The following PUM1 variants were observed in gnomAD, a reference collection of about 807,000 sequenced individuals.
The protein encoded by PUM1 is pumilio homolog 1.
PUM1 carries 13 observed loss-of-function variants against 131.8 expected under a neutral mutation model. That is an observed-to-expected ratio of 0.10 (90% confidence interval 0.06 to 0.16). The LOEUF is 0.16. PUM1 is among the 10% of genes least tolerant of loss of function. The pLI is 1.00. For synonymous variants in PUM1, 509 were observed against 556.5 expected (o/e 0.91, Z 1.20); for missense variants, 961 against 1,512.4 (o/e 0.64, Z 6.05).
At chr1:30,938,848 G>A (rs1343677521) in intron 20 of PUM1, among the ~76,000 whole-genome samples, 1 of 152,136 alleles carries the variant, frequency 6.6e-6, no homozygotes, top group South Asian at 2.1e-4. Flanking sequence ...CTGGGCGACA[G>A]AGCGAGACTC....
At chr1:31,062,929 C>T (rs1644401280) in intron 1 of PUM1, among the ~76,000 whole-genome samples, 1 of 152,166 alleles carries the variant, frequency 6.6e-6, no homozygotes, top group African/African-American at 2.4e-5. Context: ...TTTGGAAATG[C>T]CTAGTCTAGG....
intron 2 of PUM1, among the ~76,000 whole-genome samples, chr1:31,035,475 G>A (rs1359909030): frequency 6.6e-6 from 1 of 152,144 alleles, no homozygotes; most frequent in African/African-American, 2.4e-5. Flanking sequence ...AAGTTGGTGG[G>A]GCGCAGTGGC....
intron 14 of PUM1, among the ~76,000 whole-genome samples, chr1:30,961,257 C>A (rs1457460494): frequency 6.6e-6 from 1 of 150,954 alleles, no homozygotes; most frequent in Non-Finnish European, 1.5e-5. Context: ...CATCTGTAAT[C>A]CTAGTGCTTT....
chr1:31,038,985 T>TATATATATATATATATATATA (rs879343889), intron 2 of PUM1, among the ~76,000 whole-genome samples: 9 of 32,976 alleles, frequency 2.7e-4, no homozygotes, highest in Admixed American at 4.0e-4. Flanking sequence ...TATATATATA[T>TATATATATATATATATATATA]TTTTTTTTTT....
In PUM1 at chr1:31,007,054, C is replaced by T. The variant is rs1642421242; in HGVS notation, c.481G>A (p.Asp161Asn). Residue 161 changes from aspartate to asparagine, a missense_variant, in exon 4 of 22, where the codon GAT becomes AAT. Asp to Asn is a conservative substitution (Grantham distance 23, BLOSUM62 1). Around this residue, in one of 4 missense-constraint regions of PUM1, gnomAD observed 654 missense variants for 923.9 expected, o/e 0.71. Coordinates refer to ENST00000426105, the MANE Select transcript of PUM1 (RefSeq NM_001020658.2). ...CCCAGGAATATTCCTTTTGGTCCAT[C>T]TTTGCTGGATTCATCTGTTTCCCAA... ...KFWETDESSK[D>N]GPKGIFLGDQ... 6.2e-7 allele frequency: 1 copy of T among 1,613,962 alleles called. No homozygotes were observed. Among genetic ancestry groups the T allele is most frequent in the Non-Finnish European group, 8.5e-7 (1 of 1,179,954 alleles).
rs565627643 is a variant in PUM1 at position 31,053,527 on chromosome 1, C to A, written c.363+5677G>T. Among the ~76,000 whole-genome samples the A allele has an allele frequency of 7.1e-4, 104 of 146,462 alleles. 2 individuals carry two copies. The South Asian group carries it at 0.022, about 31-fold the overall frequency. The stretch of plus-strand genomic sequence containing the variant: ...CAACTCTGTCACCCAAAATGGAGTG[C>A]AGTGGCACAATCTCGGCTCACTGCA... On this transcript the variant is annotated intron_variant, in intron 2 of 21. Coordinates refer to ENST00000426105, the MANE Select transcript of PUM1 (RefSeq NM_001020658.2).
intron 18 of PUM1, among the ~76,000 whole-genome samples, chr1:30,943,628 T>C (rs1279717281): frequency 1.3e-5 from 2 of 152,172 alleles, no homozygotes; most frequent in Non-Finnish European, 2.9e-5. Context: ...AAGAGAATAA[T>C]GGTGTTTAAA....
chr1:31,064,110 T>C (rs1369951255), intron 1 of PUM1, among the ~76,000 whole-genome samples: 2 of 152,222 alleles, frequency 1.3e-5, no homozygotes, highest in African/African-American at 2.4e-5. Flanking sequence ...ATATCACTAA[T>C]TGAGTTGAAT....
At position 31,028,669 on chromosome 1, in the gene PUM1, A is replaced by G. The variant is rs1643306951; in HGVS notation, c.432+127T>C. The G allele has an allele frequency of 3.6e-6, 3 of 843,320 alleles. No homozygotes were observed. The Admixed American group carries it at 5.7e-5, about 16-fold the overall frequency. 52.2% of individuals were successfully genotyped at this position (843,320 alleles called of 1,614,324 possible). ...AATTCTCCAGCATCCCGTTCCTATC[A>G]TGAGAATGGCAACAAGGAAAAGCAA... On this transcript the variant is annotated intron_variant, in intron 3 of 21. Transcript: ENST00000426105.
At chr1:31,048,918 T>C (rs952272582) in intron 2 of PUM1, among the ~76,000 whole-genome samples, 4 of 152,066 alleles carry the variant, frequency 2.6e-5, no homozygotes, top group Admixed American at 1.3e-4. Context: ...ATCAAAAACC[T>C]TTTGAGGCCG....
At chr1:30,983,349 A>G (rs1381298737) in intron 7 of PUM1, among the ~76,000 whole-genome samples, 1 of 152,190 alleles carries the variant, frequency 6.6e-6, no homozygotes, top group Non-Finnish European at 1.5e-5. Context: ...CTTGGCCTAA[A>G]ACCTTTTGCA....
chr1:30,969,316 C>CAAAAAAAAAAAAAAAAAAA (rs763999971), intron 10 of PUM1, among the ~76,000 whole-genome samples: 4 of 51,170 alleles, frequency 7.8e-5, no homozygotes, highest in Non-Finnish European at 1.6e-4. Context: ...AACACACACA[C>CAAAAAAAAAAAAAAAAAAA]AAAAAAAAAA....
At chr1:31,011,449 G>A (rs1642616880) in intron 3 of PUM1, among the ~76,000 whole-genome samples, 1 of 152,090 alleles carries the variant, frequency 6.6e-6, no homozygotes, top group African/African-American at 2.4e-5. Flanking sequence ...GACATGTTGA[G>A]CTTACTGAGA....
chr1:30,982,077 G>T lies in PUM1; in HGVS notation c.1159-672C>A, dbSNP rs1180746314. 2.0e-5 allele frequency: 3 copies of T among 152,260 alleles called. No homozygotes were observed. In the East Asian group the frequency reaches 5.8e-4, roughly 29 times the overall value. The allele number at this position is 152,260 out of a possible 1,614,324, so 9.4% of individuals were successfully genotyped here. On this transcript the variant is annotated intron_variant, in intron 7 of 21. Transcript: ENST00000426105. ...TTTCGGGAGCTCCAGAGTCTTCTGG[G>T]ATACTATTCTTTATATGTTAAAAAT... is the stretch of plus-strand genomic sequence containing the variant.
At chr1:30,946,355 T>A (rs77159739) in intron 17 of PUM1, among the ~76,000 whole-genome samples, 1 of 150,210 alleles carries the variant, frequency 6.7e-6, no homozygotes, top group Admixed American at 6.6e-5. Flanking sequence ...AAAAAAATCA[T>A]AGGCCAGGTG....
At chr1:30,961,537 G>A (rs1253754084) in intron 14 of PUM1, among the ~76,000 whole-genome samples, 2 of 151,640 alleles carry the variant, frequency 1.3e-5, no homozygotes, top group Non-Finnish European at 1.5e-5. Context: ...CAATAAAAAC[G>A]GGGGGGAATA....
intron 7 of PUM1, among the ~76,000 whole-genome samples, chr1:30,990,095 C>G (rs1641729717): frequency 6.6e-6 from 1 of 152,210 alleles, no homozygotes; most frequent in Non-Finnish European, 1.5e-5. Flanking sequence ...CGGTAGTTCT[C>G]AAAGAGTAGC....
At chr1:31,048,571 T>C (rs2124583961) in intron 2 of PUM1, among the ~76,000 whole-genome samples, 1 of 151,648 alleles carries the variant, frequency 6.6e-6, no homozygotes, top group Admixed American at 6.6e-5. Context: ...GCCTCCCAAG[T>C]TCAAGCAATT....
In PUM1 at chr1:30,932,517, C is replaced by T. The variant is rs935587719; in HGVS notation, c.*694G>A. 3 of 151,678 alleles carry T rather than the reference C, an allele frequency of 2.0e-5. No individual in the cohort carries two copies. Among genetic ancestry groups the T allele is most frequent in the Non-Finnish European group, 4.4e-5 (3 of 67,940 alleles). 9.4% of individuals were successfully genotyped at this position (151,678 alleles called of 1,614,324 possible). A position where few individuals can be genotyped will look rare whatever the true frequency, so the allele number is the denominator to read the frequency against. ...AGCCTCAAAAGACGTTCTGGGTGCT[C>T]GCATCTCCTCCTCACGAACAGCCTT... On this transcript the variant is annotated 3_prime_UTR_variant, in exon 22 of 22. Coordinates refer to ENST00000426105, the MANE Select transcript of PUM1 (RefSeq NM_001020658.2).
Sources: allele counts gnomAD v4.1 joint callset (sites outside exome capture counted in the v4.1 genomes callset), GRCh38; gene constraint gnomAD v4.1.1; regional missense constraint gnomAD v4.1.1; transcripts MANE v1.5; gene names NCBI Gene and HGNC (gene_info 2026-07-23, HGNC 2026-07-21).